The following RPS6KA3 variants were observed in gnomAD, a reference collection of about 807,000 sequenced individuals.
RPS6KA3 encodes the protein ribosomal protein S6 kinase A3.
A neutral mutation model predicts 67.2 loss-of-function variants in RPS6KA3; 4 were observed. That is an observed-to-expected ratio of 0.06 (90% CI 0.03 to 0.14). The LOEUF (loss-of-function observed/expected upper bound fraction) is 0.14. Among genes scored for constraint, RPS6KA3 ranks in the 10% least tolerant of loss-of-function variants. RPS6KA3 has a pLI of 1.00. For synonymous variants in RPS6KA3, 182 were observed against 183.7 expected (o/e 0.99, Z 0.07); for missense variants, 204 against 559.0 (o/e 0.36, Z 6.40).
intron 2 of RPS6KA3, among the ~76,000 whole-genome samples, chrX:20,228,462 G>C (rs537701282): frequency 8.1e-5 from 9 of 111,400 alleles, no homozygotes; most frequent in African/African-American, 2.9e-4. Context: ...TTCAGTAATA[G>C]GTTTTCACTT....
At chrX:20,234,870 G>T in intron 1 of RPS6KA3, 56 bp from the exon 2 acceptor site, 9 of 869,768 alleles carry the variant, frequency 1.0e-5, no homozygotes, top group South Asian at 2.1e-5. Context: ...ATCAGTTAAA[G>T]TTAAATGAAG....
intron 1 of RPS6KA3, among the ~76,000 whole-genome samples, chrX:20,237,858 T>G (rs1018929120): frequency 9.0e-6 from 1 of 111,516 alleles, no homozygotes; most frequent in Non-Finnish European, 1.9e-5. Flanking sequence ...CCATTCTTAC[T>G]TACGCTTCAA....
In RPS6KA3 at chrX:20,152,309, A is replaced by G. The variant is rs766102558; in HGVS notation, c.*3089T>C. On this transcript the variant is annotated 3_prime_UTR_variant, in exon 22 of 22. Transcript: ENST00000379565. ...AAAAAGCTGAAATGATTTATAAAAA[A>G]CAAAAATTAAAAAAGGATGAAAAAC... is the stretch of plus-strand genomic sequence containing the variant. The G allele has an allele frequency of 8.9e-6, 1 of 112,724 alleles. No individual in the cohort carries two copies. Among genetic ancestry groups the G allele is most frequent in the Non-Finnish European group, 1.9e-5 (1 of 53,325 alleles). The allele number at this position is 112,724 out of a possible 1,213,427, so 9.3% of individuals were successfully genotyped here.
intron 20 of RPS6KA3, among the ~76,000 whole-genome samples, chrX:20,159,112 C>A (rs1255874176): frequency 1.8e-5 from 2 of 112,289 alleles, no homozygotes; most frequent in African/African-American, 6.5e-5. Context: ...GCTTTTCTCT[C>A]ATTTCTTATG....
chrX:20,210,840 C>T (rs989307367), intron 2 of RPS6KA3, among the ~76,000 whole-genome samples: 1 of 110,891 alleles, frequency 9.0e-6, no homozygotes, highest in Non-Finnish European at 1.9e-5. Context: ...TAGAACCAAG[C>T]ATTAGCTGAC....
At position 20,214,300 on chromosome X, in the gene RPS6KA3, AC is replaced by A. The variant is rs769079840; in HGVS notation, c.127-4897del. 4.2e-3 allele frequency among the ~76,000 whole-genome samples: 471 copies of A among 111,889 alleles called. 5 individuals are homozygous for A. The highest frequency in any genetic ancestry group is 0.014 in the African/African-American group (445 of 30,723). On this transcript the variant is annotated intron_variant, in intron 2 of 21. Transcript: ENST00000379565. The stretch of plus-strand genomic sequence containing the variant: ...GTTTTCTATGTCTCTTTCTTAGATT[AC>A]CCCCTTGTAACTTCCAAAGAAAGGT...
Position 20,203,935 on chromosome X carries a change from T to C in RPS6KA3, c.325+87A>G, listed in dbSNP as rs373305355. 59 of 687,481 alleles carry C rather than the reference T, an allele frequency of 8.6e-5. No homozygotes were observed. The East Asian group carries it at 1.8e-3, about 21-fold the overall frequency. 56.7% of individuals were successfully genotyped at this position (687,481 alleles called of 1,213,427 possible). ...AACAGGAACCTATTCAGAATGTAAA[T>C]AACATGCCAAGGAGTCCCATGAGCT... On this transcript the variant is annotated intron_variant, in intron 4 of 21. Transcript: ENST00000379565.
chrX:20,216,859 C>T (rs887884730), intron 2 of RPS6KA3, among the ~76,000 whole-genome samples: 1 of 111,540 alleles, frequency 9.0e-6, no homozygotes, highest in Non-Finnish European at 1.9e-5. Flanking sequence ...TGCCTGGTCC[C>T]AGTGAAAATG....
chrX:20,255,784 C>T (rs929985247), intron 1 of RPS6KA3, among the ~76,000 whole-genome samples: 1 of 14,917 alleles, frequency 6.7e-5, no homozygotes. Context: ...AGCAAAATTT[C>T]GTCTCAAAAA....
At chrX:20,158,289 C>T (rs959174649) in intron 20 of RPS6KA3, among the ~76,000 whole-genome samples, 7 of 100,110 alleles carry the variant, frequency 7.0e-5, no homozygotes, top group African/African-American at 1.9e-4. Flanking sequence ...AGCTAGAGTC[C>T]AGAAGTTGGA....
At chrX:20,166,323 G>A in intron 17 of RPS6KA3, among the ~76,000 whole-genome samples, 1 of 111,711 alleles carries the variant, frequency 9.0e-6, no homozygotes, top group Non-Finnish European at 1.9e-5. Context: ...GAGGCATTGG[G>A]AAAAGAACAC....
chrX:20,179,774 TGAGG>T (rs2067796622), intron 10 of RPS6KA3, among the ~76,000 whole-genome samples: 1 of 111,246 alleles, frequency 9.0e-6, no homozygotes, highest in African/African-American at 3.3e-5. Flanking sequence ...AGCTAATAAA[TGAGG>T]AAGGAATAAT....
chrX:20,188,458 G>C (rs765237703), intron 8 of RPS6KA3, 39 bp downstream of exon 8: 1 of 747,744 alleles, frequency 1.3e-6, no homozygotes, highest in South Asian at 2.2e-5. Context: ...ATATATTGTA[G>C]GAGAAAATAT....
Position 20,155,576 on chromosome X carries a change from A to G in RPS6KA3, c.2101-56T>C, listed in dbSNP as rs73631381. On this transcript the variant is annotated intron_variant, in intron 21 of 21. Coordinates refer to ENST00000379565, the MANE Select transcript of RPS6KA3 (RefSeq NM_004586.3). ...AGTGACAATGGATAGTCACACGTAC[A>G]CAAATACAAAATGAAGAGTTTTTTC... 5,308 of 1,147,978 alleles carry G rather than the reference A, an allele frequency of 4.6e-3. 133 individuals carry two copies. In the African/African-American group the frequency reaches 0.076, roughly 16 times the overall value. 94.6% of individuals were successfully genotyped at this position (1,147,978 alleles called of 1,213,427 possible). A position where few individuals can be genotyped will look rare whatever the true frequency, so the allele number is the denominator to read the frequency against.
At chrX:20,160,552 G>A (rs1052292627) in intron 20 of RPS6KA3, among the ~76,000 whole-genome samples, 2 of 110,320 alleles carry the variant, frequency 1.8e-5, no homozygotes, top group East Asian at 5.7e-4. Context: ...TCAGCCTCCC[G>A]AGTAGCTGGG....
rs2148617306 is a variant in RPS6KA3 at position 20,152,328 on chromosome X, G to A, written c.*3070C>T. On this transcript the variant is annotated 3_prime_UTR_variant, in exon 22 of 22. Transcript: ENST00000379565. ...TAAAAAACAAAAATTAAAAAAGGAT[G>A]AAAAACTTACCTTCATTTAACATCA... The A allele has an allele frequency of 8.9e-6, 1 of 112,532 alleles. No homozygotes were observed. The highest frequency in any genetic ancestry group is 3.2e-5 in the African/African-American group (1 of 30,936). The allele number at this position is 112,532 out of a possible 1,213,427, so 9.3% of individuals were successfully genotyped here. A position where few individuals can be genotyped will look rare whatever the true frequency, so the allele number is the denominator to read the frequency against.
Position 20,209,117 on chromosome X carries a change from G to C in RPS6KA3, c.243+171C>G, listed in dbSNP as rs759363753. On this transcript the variant is annotated intron_variant, in intron 3 of 21. Coordinates refer to ENST00000379565, the MANE Select transcript of RPS6KA3 (RefSeq NM_004586.3). ...TTACTGAAGTCTCCAACGTACTTTTGAACAACTTTATTCACTTTCCCACTT... is the reference window on the plus strand; with the variant it reads ...TTACTGAAGTCTCCAACGTACTTTTCAACAACTTTATTCACTTTCCCACTT... 3.6e-5 allele frequency among the ~76,000 whole-genome samples: 4 copies of C among 111,995 alleles called. No individual in the cohort carries two copies. The South Asian group carries it at 1.5e-3, about 42-fold the overall frequency.
At chrX:20,187,699 G>A (rs2068021107) in intron 9 of RPS6KA3, 129 bp downstream of exon 9, 2 of 608,526 alleles carry the variant, frequency 3.3e-6, no homozygotes, top group African/African-American at 4.4e-5. Context: ...ATGCAATAAT[G>A]TTTCTTGGTT....
intron 1 of RPS6KA3, among the ~76,000 whole-genome samples, chrX:20,257,960 G>T (rs1477579118): frequency 8.9e-6 from 1 of 111,994 alleles, no homozygotes; most frequent in Non-Finnish European, 1.9e-5. Context: ...GGGTTTATCA[G>T]AATCTTCAGG....
Sources: allele counts gnomAD v4.1 joint callset (sites outside exome capture counted in the v4.1 genomes callset), GRCh38; gene constraint gnomAD v4.1.1; transcripts MANE v1.5; gene names NCBI Gene and HGNC (gene_info 2026-07-23, HGNC 2026-07-21).